GRID2: variants seen among roughly 807,000 people sequenced by gnomAD.
GRID2 encodes the protein glutamate ionotropic receptor delta type subunit 2, also known as glutamate receptor ionotropic, delta-2.
A neutral mutation model predicts 114.8 loss-of-function variants in GRID2; 33 were observed. The observed-to-expected ratio is 0.29, with a 90% CI of 0.22 to 0.38. The LOEUF is 0.38. GRID2 is among the 10% of genes least tolerant of loss of function. The probability of loss-of-function intolerance (pLI) is 1.00; values close to 1 mark genes in which losing one functional copy is unlikely to be tolerated. For missense variants in GRID2, 1,184 were observed against 1,257.7 expected (o/e 0.94, Z 0.89); for synonymous variants, 505 against 449.9 (o/e 1.12, Z -1.55).
At chr4:93,296,267 T>G (rs1754300261) in intron 8 of GRID2, among the ~76,000 whole-genome samples, 1 of 152,152 alleles carries the variant, frequency 6.6e-6, no homozygotes, top group South Asian at 2.1e-4. Flanking sequence ...CTCCCTCTAA[T>G]AAGGAAATGT....
At chr4:92,337,367 A>G (rs1727242045) in intron 1 of GRID2, among the ~76,000 whole-genome samples, 1 of 152,146 alleles carries the variant, frequency 6.6e-6, no homozygotes, top group Non-Finnish European at 1.5e-5. Flanking sequence ...AAGGCATTGT[A>G]GCTTAAGTTC....
chr4:92,954,778 A>G (rs1752273653), intron 2 of GRID2, among the ~76,000 whole-genome samples: 1 of 107,016 alleles, frequency 9.3e-6, no homozygotes, highest in Admixed American at 1.1e-4. Context: ...CCCCCACCCC[A>G]CAAGAGTCCC....
chr4:92,658,818 T>TATACAC (rs1177514487), intron 2 of GRID2, among the ~76,000 whole-genome samples: 5 of 60,488 alleles, frequency 8.3e-5, no homozygotes, highest in African/African-American at 2.4e-4. Flanking sequence ...TATATATATA[T>TATACAC]ACACACACAC....
In GRID2 at chr4:93,506,682, C is replaced by T. The variant is rs538917029; in HGVS notation, c.1998-8534C>T. ...TGGAGGTGCCCATCTTCTGACCCTC[C>T]GTAAATCTCTAACCCTCTTTGTTCC... On this transcript the variant is annotated intron_variant, in intron 12 of 15. Transcript: ENST00000282020. 2.4e-4 allele frequency among the ~76,000 whole-genome samples: 36 copies of T among 152,216 alleles called. 1 individual carries two copies. Among genetic ancestry groups the T allele is most frequent in the Middle Eastern group, 3.4e-3 (1 of 294 alleles).
At chr4:93,777,413 T>C (rs966485696), downstream of GRID2, among the ~76,000 whole-genome samples, 2 of 152,206 alleles carry the variant, frequency 1.3e-5, no homozygotes, top group South Asian at 2.1e-4. Flanking sequence ...TTGCTACAAT[T>C]TAGGACTCAG....
intron 1 of GRID2, among the ~76,000 whole-genome samples, chr4:92,511,829 T>C (rs553486976): frequency 1.3e-5 from 2 of 151,868 alleles, no homozygotes; most frequent in African/African-American, 4.8e-5. Flanking sequence ...TAATGTAAAA[T>C]TTTCTAGTTT....
intron 4 of GRID2, among the ~76,000 whole-genome samples, chr4:93,143,562 A>G (rs1463811673): frequency 6.6e-6 from 1 of 152,216 alleles, no homozygotes; most frequent in Non-Finnish European, 1.5e-5. Flanking sequence ...AATTTTGATG[A>G]AGGTGAAAAT....
intron 2 of GRID2, among the ~76,000 whole-genome samples, chr4:92,858,597 G>T (rs375298968): frequency 6.6e-6 from 1 of 151,920 alleles, no homozygotes; most frequent in South Asian, 2.1e-4. Context: ...TCACACTTTC[G>T]CCCAGGCTGG....
At chr4:92,883,696 G>A (rs536494988) in intron 2 of GRID2, among the ~76,000 whole-genome samples, 4 of 152,282 alleles carry the variant, frequency 2.6e-5, no homozygotes, top group African/African-American at 9.6e-5. Context: ...TGTCTTGGGT[G>A]ACCAGGCGCA....
chr4:93,647,912 A>G (rs925888337), intron 14 of GRID2, among the ~76,000 whole-genome samples: 2 of 152,158 alleles, frequency 1.3e-5, no homozygotes, highest in Non-Finnish European at 2.9e-5. Context: ...AAGTTTTTAC[A>G]TGTACTAACT....
chr4:92,578,416 A>G (rs1003779240), intron 1 of GRID2, among the ~76,000 whole-genome samples: 23 of 151,360 alleles, frequency 1.5e-4, no homozygotes, highest in South Asian at 6.3e-4. Context: ...ATGATTTCCA[A>G]TTTCATCCAT....
intron 2 of GRID2, among the ~76,000 whole-genome samples, chr4:92,647,962 T>C (rs1731730006): frequency 6.7e-6 from 1 of 149,800 alleles, no homozygotes; most frequent in Admixed American, 6.6e-5. Context: ...ATTCTGCTCA[T>C]TTTGTTATAC....
intron 2 of GRID2, among the ~76,000 whole-genome samples, chr4:93,081,321 T>C (rs1256670630): frequency 1.3e-5 from 2 of 152,218 alleles, no homozygotes; most frequent in Non-Finnish European, 2.9e-5. Context: ...TTTTTAACTC[T>C]TTATGCATTT....
In GRID2 at chr4:92,758,734, A is replaced by G. The variant is rs913704125; in HGVS notation, c.244+168448A>G. Among the ~76,000 whole-genome samples, 4 of 152,152 alleles carry G rather than the reference A, an allele frequency of 2.6e-5. No homozygotes were observed. In the East Asian group the frequency reaches 5.8e-4, roughly 22 times the overall value. On this transcript the variant is annotated intron_variant, in intron 2 of 15. Transcript: ENST00000282020. ...CTTGATAAATAGCATCTTCATGGCT[A>G]TGGGGGTTTGTTTGTTTGTTTTACA...
At chr4:93,460,867 C>A (rs968281051) in intron 11 of GRID2, among the ~76,000 whole-genome samples, 1 of 152,118 alleles carries the variant, frequency 6.6e-6, no homozygotes. Context: ...AATGTCCCCA[C>A]TGAGTTGTTG....
At chr4:92,776,604 T>G (rs890893554) in intron 2 of GRID2, among the ~76,000 whole-genome samples, 2 of 152,108 alleles carry the variant, frequency 1.3e-5, no homozygotes, top group Non-Finnish European at 2.9e-5. Context: ...TTTTTAACTT[T>G]TATAATTAAA....
Position 93,670,093 on chromosome 4 carries a change from A to T in GRID2, c.2360+43658A>T, listed in dbSNP as rs114046626. Among the ~76,000 whole-genome samples, 847 of 152,320 alleles carry T rather than the reference A, an allele frequency of 5.6e-3. 6 individuals are homozygous for T. Among genetic ancestry groups the T allele is most frequent in the African/African-American group, 0.019 (778 of 41,572 alleles). On this transcript the variant is annotated intron_variant, in intron 14 of 15. Transcript: ENST00000282020. ...GTCTACACATAGATACTAGTAAAGT[A>T]TGGCAAAAAGCATAATTTTTCACTT...
chr4:93,094,404 TA>T lies in GRID2; in HGVS notation c.529+9133del, dbSNP rs369520001. Among the ~76,000 whole-genome samples, 628 of 151,988 alleles carry T rather than the reference TA, an allele frequency of 4.1e-3. 7 individuals are homozygous for T. The highest frequency in any genetic ancestry group is 0.014 in the African/African-American group (589 of 41,498). Reference sequence around the variant, plus strand: ...CATATGGAGATTAAAGCTAAGAGACTAAAAAAAAGTCATTCTTTATTTTGGT... The same window carrying T: ...CATATGGAGATTAAAGCTAAGAGACTAAAAAAAGTCATTCTTTATTTTGGT... On this transcript the variant is annotated intron_variant, in intron 3 of 15. Transcript: ENST00000282020.
At chr4:92,763,203 A>G (rs1357273933) in intron 2 of GRID2, among the ~76,000 whole-genome samples, 1 of 152,224 alleles carries the variant, frequency 6.6e-6, no homozygotes, top group Non-Finnish European at 1.5e-5. Context: ...TGTGTTCAAC[A>G]AATATTTATA....
Sources: allele counts gnomAD v4.1 joint callset (sites outside exome capture counted in the v4.1 genomes callset), GRCh38; gene constraint gnomAD v4.1.1; transcripts MANE v1.5; gene names NCBI Gene and HGNC (gene_info 2026-07-23, HGNC 2026-07-21).